Variants in POLR1B observed in about 807,000 individuals in gnomAD.
POLR1B encodes the protein DNA-directed RNA polymerase I subunit RPA2.
A neutral mutation model predicts 105.8 loss-of-function variants in POLR1B; 30 were observed. That is an observed-to-expected ratio of 0.28 (90% CI 0.21 to 0.38). POLR1B has a LOEUF of 0.38. POLR1B is among the 10% of genes least tolerant of loss of function. POLR1B has a pLI of 1.00. For synonymous variants in POLR1B, 485 were observed against 505.1 expected (o/e 0.96, Z 0.53); for missense variants, 976 against 1,435.8 (o/e 0.68, Z 5.17).
rs1009986628 is a variant in POLR1B at position 112,578,291 on chromosome 2, T to A, written c.*2562T>A. On this transcript the variant is annotated 3_prime_UTR_variant, in exon 15 of 15. Transcript: ENST00000263331. ...AGCAAGATACAGAGCTGTTCCGTCA[T>A]CACAGAGCTCTGCCATACTATCCTT... Among the ~76,000 whole-genome samples, 1 of 152,200 alleles carries A rather than the reference T, an allele frequency of 6.6e-6. No homozygotes were observed. Among genetic ancestry groups the A allele is most frequent in the Non-Finnish European group, 1.5e-5 (1 of 68,032 alleles).
intron 14 of POLR1B, among the ~76,000 whole-genome samples, 200 bp from the exon 15 acceptor site, chr2:112,574,647 G>C (rs371438508): frequency 6.7e-6 from 1 of 150,104 alleles, no homozygotes; most frequent in Non-Finnish European, 1.5e-5. Flanking sequence ...GCTTGAACCC[G>C]GAAAGTCAAG....
chr2:112,570,123 A>G (rs1358576832), intron 12 of POLR1B, among the ~76,000 whole-genome samples: 1 of 148,616 alleles, frequency 6.7e-6, no homozygotes, highest in Non-Finnish European at 1.5e-5. Context: ...ATCTCGGCTC[A>G]CTGCAACCTC....
rs76127288 is a variant in POLR1B at position 112,552,641 on chromosome 2, A to C, written c.987-4A>C. The C allele has an allele frequency of 6.5e-7, 1 of 1,536,330 alleles. No homozygotes were observed. The highest frequency in any genetic ancestry group is 8.7e-7 in the Non-Finnish European group (1 of 1,144,650). ...TAAGCTTTTTTTTTTTTCTGTTTTC[A>C]CAGCCAGTGCATCTGTATCCACTTG... On this transcript the variant is annotated splice_polypyrimidine_tract_variant and splice_region_variant and intron_variant, in intron 6 of 14. Coordinates refer to ENST00000263331, the MANE Select transcript of POLR1B (RefSeq NM_019014.6).
At chr2:112,550,165 T>G (rs1435155029) in intron 4 of POLR1B, among the ~76,000 whole-genome samples, 1 of 152,234 alleles carries the variant, frequency 6.6e-6, no homozygotes, top group Non-Finnish European at 1.5e-5. Context: ...TTACTACTTA[T>G]GAAGATGGAA....
intron 7 of POLR1B, among the ~76,000 whole-genome samples, chr2:112,554,193 T>C (rs1683525324): frequency 6.6e-6 from 1 of 152,052 alleles, no homozygotes; most frequent in Non-Finnish European, 1.5e-5. Flanking sequence ...AGTGCAGTGC[T>C]ACGATCTCAG....
At chr2:112,558,604 T>C (rs550313817) in intron 8 of POLR1B, among the ~76,000 whole-genome samples, 1 of 151,890 alleles carries the variant, frequency 6.6e-6, no homozygotes. Context: ...AAAGTGGTAA[T>C]TGGGAATTCA....
In POLR1B at chr2:112,578,507, T is replaced by A. The variant is rs1684962977; in HGVS notation, c.*2778T>A. Among the ~76,000 whole-genome samples, 1 of 152,226 alleles carries A rather than the reference T, an allele frequency of 6.6e-6. No individual in the cohort carries two copies. Among genetic ancestry groups the A allele is most frequent in the South Asian group, 2.1e-4 (1 of 4,836 alleles). On this transcript the variant is annotated 3_prime_UTR_variant, in exon 15 of 15. Transcript: ENST00000263331. Reference sequence around the variant, plus strand: ...CATGTATCAATAGTTAATTCCTTTTTATTGCTACACAGTACTCCATAGTAT... The same window carrying A: ...CATGTATCAATAGTTAATTCCTTTTAATTGCTACACAGTACTCCATAGTAT...
Position 112,551,845 on chromosome 2 carries a change from T to C in POLR1B, c.833T>C (p.Leu278Pro), listed in dbSNP as rs1286990010. The change falls in exon 6 of 15, where the codon CTT (leucine) becomes CCT (proline). Residue 278 changes from leucine (L) to proline (P), a missense_variant. Leu to Pro is a moderately conservative substitution (Grantham distance 98, BLOSUM62 -3). Transcript: ENST00000263331. Reference protein sequence around the residue: ...LIKGKEDDSFLRNSVSQMLRI... With the variant: ...LIKGKEDDSFPRNSVSQMLRI... ...AAAGGAAAAGAGGATGATTCTTTCC[T>C]TAGGAACTCTGTTTCTCAGATGTTA... The C allele has an allele frequency of 6.2e-7, 1 of 1,614,202 alleles. No homozygotes were observed. Among genetic ancestry groups the C allele is most frequent in the East Asian group, 2.2e-5 (1 of 44,890 alleles).
At chr2:112,545,851 G>A in intron 1 of POLR1B, 1 of 344,736 alleles carries the variant, frequency 2.9e-6, no homozygotes, top group African/African-American at 2.3e-5. Context: ...TCCCTATGTG[G>A]CCCAGCCTGG....
Position 112,563,204 on chromosome 2 carries a change from G to A in POLR1B, c.1613-1162G>A, listed in dbSNP as rs575413821. 2.1e-4 allele frequency among the ~76,000 whole-genome samples: 32 copies of A among 151,638 alleles called. No homozygotes were observed. In the East Asian group the frequency reaches 5.5e-3, roughly 26 times the overall value. ...CGAGTAGCTGGGACTACAGGCGCCC[G>A]CCACCACGCCCGGCTAATTTTTTTG... On this transcript the variant is annotated intron_variant, in intron 9 of 14. Transcript: ENST00000263331.
At chr2:112,567,555 T>G (rs1684354050) in intron 10 of POLR1B, among the ~76,000 whole-genome samples, 2 of 151,972 alleles carry the variant, frequency 1.3e-5, no homozygotes, top group African/African-American at 2.4e-5. Flanking sequence ...AATTTTTTAA[T>G]TTTTGTAGAG....
Position 112,579,311 on chromosome 2 carries a change from G to A in POLR1B, c.*3582G>A, listed in dbSNP as rs185708814. The stretch of plus-strand genomic sequence containing the variant: ...TGTAAACATAAGTTTCATTTCCCTG[G>A]GACAAGTGTTCAAGACTGGGATTGC... On this transcript the variant is annotated 3_prime_UTR_variant, in exon 15 of 15. Coordinates refer to ENST00000263331, the MANE Select transcript of POLR1B (RefSeq NM_019014.6). Among the ~76,000 whole-genome samples the A allele has an allele frequency of 2.4e-3, 364 of 151,492 alleles. No individual in the cohort carries two copies. Among genetic ancestry groups the A allele is most frequent in the African/African-American group, 8.3e-3 (342 of 41,330 alleles).
intron 7 of POLR1B, among the ~76,000 whole-genome samples, chr2:112,553,848 A>G (rs987578072): frequency 6.6e-6 from 1 of 152,352 alleles, no homozygotes. Flanking sequence ...AGTGTTCATT[A>G]GAACATAGCT....
At chr2:112,562,851 G>T (rs1265682509) in intron 9 of POLR1B, among the ~76,000 whole-genome samples, 1 of 149,560 alleles carries the variant, frequency 6.7e-6, no homozygotes, top group Non-Finnish European at 1.5e-5. Context: ...TCAGCCTTGC[G>T]AGTAGCCGGG....
In POLR1B at chr2:112,558,030, A is replaced by T. The variant is rs369239620; in HGVS notation, c.1279A>T (p.Thr427Ser). ...MRIFTMGIDL[T>S]KPFEYLFATG... ...GATTTTTACAATGGGCATAGACCTT[A>T]CAAAACCATTTGAATACCTTTTTGC... is the stretch of plus-strand genomic sequence containing the variant. Residue 427 changes from threonine to serine, a missense_variant, in exon 8 of 15, where the codon ACA becomes TCA. Around this residue, in one of 12 missense-constraint regions of POLR1B, gnomAD observed 452 missense variants for 616.5 expected, o/e 0.73. Coordinates refer to ENST00000263331, the MANE Select transcript of POLR1B (RefSeq NM_019014.6). 2 of 1,370,842 alleles carry T rather than the reference A, an allele frequency of 1.5e-6. No individual in the cohort carries two copies. Among genetic ancestry groups the T allele is most frequent in the Non-Finnish European group, 9.5e-7 (1 of 1,049,146 alleles). 84.9% of individuals were successfully genotyped at this position (1,370,842 alleles called of 1,614,324 possible).
At position 112,560,762 on chromosome 2, in the gene POLR1B, A is replaced by G. The variant is rs373264041; in HGVS notation, c.1612+1188A>G. 4.6e-5 allele frequency among the ~76,000 whole-genome samples: 7 copies of G among 152,268 alleles called. No individual in the cohort carries two copies. In the South Asian group the frequency reaches 1.2e-3, roughly 27 times the overall value. On this transcript the variant is annotated intron_variant, in intron 9 of 14. Transcript: ENST00000263331. ...GTTCTGCTTAAAAGTACTTCTCCCA[A>G]TTAGAGTGGCCTGGCCGGGCGTGGT...
In POLR1B at chr2:112,547,505, A is replaced by G. The variant is rs1273564068; in HGVS notation, c.430A>G (p.Lys144Glu). 1.2e-6 allele frequency: 2 copies of G among 1,614,092 alleles called. No homozygotes were observed. The highest frequency in any genetic ancestry group is 1.7e-6 in the Non-Finnish European group (2 of 1,180,040). ...LGYVPIMVKS[K>E]LCNLRNLPPQ... is the part of the protein sequence containing the mutation. ...CTATGTTCCCATCATGGTGAAATCC[A>G]AGCTTTGCAACTTACGTAACCTTCC... The change falls in exon 3 of 15, where the codon AAG becomes GAG. Residue 144 changes from lysine to glutamate, a missense_variant. By Grantham distance (56) the Lys-to-Glu change is moderately conservative. This residue lies in a region of POLR1B where 452 missense variants were observed against 616.5 expected (regional missense o/e 0.73). Transcript: ENST00000263331.
chr2:112,573,595 G>T lies in POLR1B; in HGVS notation c.2305G>T (p.Ala769Ser). Residue 769 changes from alanine to serine, a missense_variant, in exon 14 of 15, where the codon GCC (alanine) becomes TCC (serine). Ala to Ser is a moderately conservative substitution (Grantham distance 99, BLOSUM62 1). Coordinates refer to ENST00000263331, the MANE Select transcript of POLR1B (RefSeq NM_019014.6). Reference protein sequence around the residue: ...VNKASWERGFAHGSVYKSEFI... With the variant: ...VNKASWERGFSHGSVYKSEFI... Reference sequence around the variant, plus strand: ...TAAGGCCTCTTGGGAACGAGGCTTTGCCCATGGAAGTGTCTACAAGTCTGA... The same window carrying T: ...TAAGGCCTCTTGGGAACGAGGCTTTTCCCATGGAAGTGTCTACAAGTCTGA... 1 of 1,614,146 alleles carries T rather than the reference G, an allele frequency of 6.2e-7. No homozygotes were observed. Among genetic ancestry groups the T allele is most frequent in the Middle Eastern group, 1.6e-4 (1 of 6,062 alleles).
At chr2:112,550,651 C>T (rs1021660668) in intron 4 of POLR1B, 67 of 564,656 alleles carry the variant, frequency 1.2e-4, no homozygotes, top group Non-Finnish European at 1.7e-4. Flanking sequence ...TTCATAGTTT[C>T]GGTTATTTTA....
Sources: gnomAD v4.1 joint callset for allele counts (sites outside exome capture counted in the v4.1 genomes callset) on GRCh38, gnomAD v4.1.1 for gene constraint, gnomAD v4.1.1 regional missense constraint, MANE v1.5 for transcripts, NCBI Gene and HGNC (gene_info 2026-07-23, HGNC 2026-07-21) for gene names.